Variants in PSMF1 observed in about 807,000 individuals in gnomAD.
The protein encoded by PSMF1 is proteasome inhibitor PI31 subunit.
PSMF1 carries 30 observed loss-of-function variants against 29.3 expected under a neutral mutation model. The ratio of observed to expected loss-of-function variants is 1.02; its 90% CI spans 0.77 to 1.39. The LOEUF is 1.39. PSMF1 is among the 40% of genes most tolerant of loss of function. PSMF1 has a pLI of 0.00. For synonymous variants in PSMF1, 134 were observed against 139.7 expected (o/e 0.96, Z 0.29); for missense variants, 344 against 357.5 (o/e 0.96, Z 0.31).
In PSMF1 at chr20:1,164,349, C is replaced by T. The variant is rs1224693033; in HGVS notation, c.637C>T (p.Leu213=). Residue 213 remains leucine, a synonymous_variant, in exon 6 of 7, where the codon CTG becomes TTG. Coordinates refer to ENST00000335877, the MANE Select transcript of PSMF1 (RefSeq NM_006814.5). This position sits in a 1 kb window ranked among gnomAD's most constrained non-coding sequence, Gnocchi z 4.1. ...PRRGGMIVDP[L]RSGFPRALID... ...GAGAGGTGGCATGATTGTGGATCCC[C>T]TGAGATCTGGCTTCCCAAGAGCACT... is the stretch of plus-strand genomic sequence containing the variant. The T allele has an allele frequency of 1.9e-6, 3 of 1,614,036 alleles. No homozygotes were observed. The highest frequency in any genetic ancestry group is 3.3e-5 in the Admixed American group (2 of 60,008).
chr20:1,163,259 T>TA lies in PSMF1; in HGVS notation c.605+77dup. On this transcript the variant is annotated intron_variant, in intron 5 of 6. Transcript: ENST00000335877. This position sits in a 1 kb window ranked among gnomAD's most constrained non-coding sequence, Gnocchi z 6.1. ...TCAGCCCCAGCTCATCTTCTAATTT[T>TA]AGAGTTTTCGGTCAGTCTCTTCCTT... The TA allele has an allele frequency of 6.6e-7, 1 of 1,525,480 alleles. No individual in the cohort carries two copies. The highest frequency in any genetic ancestry group is 9.0e-7 in the Non-Finnish European group (1 of 1,106,902). 94.5% of individuals were successfully genotyped at this position (1,525,480 alleles called of 1,614,324 possible). A position where few individuals can be genotyped will look rare whatever the true frequency, so the allele number is the denominator to read the frequency against.
At position 1,165,322 on chromosome 20, in the gene PSMF1, C is replaced by G; in HGVS notation, c.*242C>G. On this transcript the variant is annotated 3_prime_UTR_variant, in exon 7 of 7. Coordinates refer to ENST00000335877, the MANE Select transcript of PSMF1 (RefSeq NM_006814.5). ...TGTCTCTTTCACCATCAGCTCCTCC[C>G]CTTTCACCACCAGCTCCTCTCCACT... 7.2e-7 allele frequency: 1 copy of G among 1,394,130 alleles called. No individual in the cohort carries two copies. The highest frequency in any genetic ancestry group is 9.3e-7 in the Non-Finnish European group (1 of 1,076,838). The allele number at this position is 1,394,130 out of a possible 1,614,324, so 86.4% of individuals were successfully genotyped here. A position where few individuals can be genotyped will look rare whatever the true frequency, so the allele number is the denominator to read the frequency against.
In PSMF1 at chr20:1,127,425, G is replaced by A; in HGVS notation, c.283-1G>A. 6.3e-7 allele frequency: 1 copy of A among 1,593,990 alleles called. No individual in the cohort carries two copies. The highest frequency in any genetic ancestry group is 1.1e-5 in the South Asian group (1 of 90,670). ...CTCACTTTCTATTTTCACCCATCTA[G>A]GAATATGGCTCACAGCAAGTGGCAG... On this transcript the variant is annotated splice_acceptor_variant, in intron 2 of 6. Transcript: ENST00000335877. LOFTEE classifies it high-confidence loss of function.
At chr20:1,117,368 C>T (rs1375210927), upstream of PSMF1, among the ~76,000 whole-genome samples, 11 of 148,936 alleles carry the variant, frequency 7.4e-5, no homozygotes, top group Middle Eastern at 3.5e-3. Flanking sequence ...GACAGAAGAT[C>T]GCTCTGTTGC....
At chr20:1,151,562 T>C (rs2086530984) in intron 4 of PSMF1, among the ~76,000 whole-genome samples, 1 of 152,246 alleles carries the variant, frequency 6.6e-6, no homozygotes, top group Non-Finnish European at 1.5e-5. Flanking sequence ...TTGAGTCTTA[T>C]GCCCAAATCA....
chr20:1,151,513 G>A lies in PSMF1; in HGVS notation c.552-11617G>A, dbSNP rs144441752. Reference sequence around the variant, plus strand: ...CTTGGAGATTTTCTAACTTGCCCTGGGTCACACATCTGTGAAATGGTGAGG... The same window carrying A: ...CTTGGAGATTTTCTAACTTGCCCTGAGTCACACATCTGTGAAATGGTGAGG... On this transcript the variant is annotated intron_variant, in intron 4 of 6. Coordinates refer to ENST00000335877, the MANE Select transcript of PSMF1 (RefSeq NM_006814.5). Among the ~76,000 whole-genome samples the A allele has an allele frequency of 1.7e-3, 252 of 152,198 alleles. 2 individuals carry two copies. The highest frequency in any genetic ancestry group is 5.7e-3 in the African/African-American group (236 of 41,502).
intron 4 of PSMF1, among the ~76,000 whole-genome samples, chr20:1,152,748 G>A (rs770910515): frequency 1.3e-5 from 2 of 152,196 alleles, no homozygotes; most frequent in Non-Finnish European, 2.9e-5. Context: ...TATAAGGCAG[G>A]TGGCTCTGGG....
At chr20:1,160,604 A>C in intron 4 of PSMF1, 2 of 497,060 alleles carry the variant, frequency 4.0e-6, no homozygotes, top group Non-Finnish European at 8.2e-6. Context: ...AGATCACCAT[A>C]CTCGTCATTG....
In PSMF1 at chr20:1,165,704, A is replaced by G. The variant is rs923107980; in HGVS notation, c.*624A>G. ...GGAAATCCCATAGGCCACAAGAATG[A>G]CTTTCACAAGGGCAGGAACATTGTG... is the stretch of plus-strand genomic sequence containing the variant. On this transcript the variant is annotated 3_prime_UTR_variant, in exon 7 of 7. Transcript: ENST00000335877. 6 of 1,000,692 alleles carry G rather than the reference A, an allele frequency of 6.0e-6. No homozygotes were observed. The highest frequency in any genetic ancestry group is 7.2e-6 in the Non-Finnish European group (6 of 838,364). 62.0% of individuals were successfully genotyped at this position (1,000,692 alleles called of 1,614,324 possible). A position where few individuals can be genotyped will look rare whatever the true frequency, so the allele number is the denominator to read the frequency against.
chr20:1,135,046 T>C lies in PSMF1; in HGVS notation c.366-75T>C, dbSNP rs185213918. 1,599 of 1,506,862 alleles carry C rather than the reference T, an allele frequency of 1.1e-3. 16 individuals carry two copies. The African/African-American group carries it at 0.02, about 18-fold the overall frequency. The allele number at this position is 1,506,862 out of a possible 1,614,324, so 93.3% of individuals were successfully genotyped here. A position where few individuals can be genotyped will look rare whatever the true frequency, so the allele number is the denominator to read the frequency against. On this transcript the variant is annotated intron_variant, in intron 3 of 6. Coordinates refer to ENST00000335877, the MANE Select transcript of PSMF1 (RefSeq NM_006814.5). ...GCTATCAGGGCCGCCGCCGCCGCCGTCGTTGCAGCCAGAATACCACTTCCA... is the reference window on the plus strand; with the variant it reads ...GCTATCAGGGCCGCCGCCGCCGCCGCCGTTGCAGCCAGAATACCACTTCCA...
At chr20:1,153,336 G>T (rs5001787) in intron 4 of PSMF1, among the ~76,000 whole-genome samples, 1 of 151,798 alleles carries the variant, frequency 6.6e-6, no homozygotes, top group Non-Finnish European at 1.5e-5. Context: ...AGTTCCTTGC[G>T]GTTATAAGAC....
chr20:1,154,037 C>T (rs1471906304), intron 4 of PSMF1, among the ~76,000 whole-genome samples: 1 of 152,180 alleles, frequency 6.6e-6, no homozygotes, highest in Non-Finnish European at 1.5e-5. Flanking sequence ...TTAAAATTTG[C>T]TTCACTTGAG....
chr20:1,143,413 T>G (rs1422294716), intron 4 of PSMF1, among the ~76,000 whole-genome samples: 1 of 152,206 alleles, frequency 6.6e-6, no homozygotes, highest in African/African-American at 2.4e-5. Context: ...TAGATGATGC[T>G]GGAGCAATTG....
chr20:1,133,569 A>ATATATATATATATTTTTTTTTTTTTTT, intron 3 of PSMF1, among the ~76,000 whole-genome samples: 3 of 53,286 alleles, frequency 5.6e-5, no homozygotes, highest in Non-Finnish European at 1.4e-4. Flanking sequence ...ATATATATAT[A>ATATATATATATATTTTTTTTTTTTTTT]TTTTTTTTTT....
intron 4 of PSMF1, among the ~76,000 whole-genome samples, chr20:1,154,573 T>C (rs1039006579): frequency 6.6e-6 from 1 of 152,214 alleles, no homozygotes; most frequent in Non-Finnish European, 1.5e-5. Context: ...CAAAACTTCA[T>C]GGCTGAATTT....
In PSMF1 at chr20:1,131,576, C is replaced by A. The variant is rs377261745; in HGVS notation, c.366-3545C>A. On this transcript the variant is annotated intron_variant, in intron 3 of 6. Coordinates refer to ENST00000335877, the MANE Select transcript of PSMF1 (RefSeq NM_006814.5). ...CTGAGGTATGGCTCTGCCTCCTGAT[C>A]AGAGGCCCTGTCTCCCTCCTATGCC... 9.2e-5 allele frequency among the ~76,000 whole-genome samples: 14 copies of A among 152,344 alleles called. No homozygotes were observed. In the South Asian group the frequency reaches 1.5e-3, roughly 16 times the overall value.
intron 4 of PSMF1, among the ~76,000 whole-genome samples, chr20:1,136,872 T>C (rs1355147831): frequency 6.6e-6 from 1 of 152,240 alleles, no homozygotes; most frequent in Non-Finnish European, 1.5e-5. Flanking sequence ...TCTTCAGTTA[T>C]ACCATAGTTA....
chr20:1,160,944 G>C, intron 4 of PSMF1: 1 of 442,824 alleles, frequency 2.3e-6, no homozygotes, highest in South Asian at 2.0e-5. Flanking sequence ...AGATGGCTCA[G>C]ATCATGTTTG....
intron 4 of PSMF1, among the ~76,000 whole-genome samples, chr20:1,146,489 G>A (rs2086451730): frequency 2.0e-5 from 3 of 152,296 alleles, no homozygotes; most frequent in East Asian, 1.9e-4. Context: ...GAATCTCCCT[G>A]TGGACAGTTG....
Sources: gnomAD v4.1 joint callset for allele counts (sites outside exome capture counted in the v4.1 genomes callset) on GRCh38, gnomAD v4.1.1 for gene constraint, Gnocchi (gnomAD v3.1) non-coding constraint, MANE v1.5 for transcripts, NCBI Gene and HGNC (gene_info 2026-07-23, HGNC 2026-07-21) for gene names.